Variants in MIPOL1 observed in about 807,000 individuals in gnomAD.
The protein encoded by MIPOL1 is mirror-image polydactyly 1.
In MIPOL1, 57 loss-of-function variants were observed where a neutral mutation model predicts 60.9. The observed-to-expected ratio is 0.94, with a 90% CI of 0.76 to 1.17. The LOEUF (loss-of-function observed/expected upper bound fraction) is 1.17. Among genes scored for constraint, MIPOL1 ranks in the 50% most tolerant of loss-of-function variants. MIPOL1 has a pLI of 0.00. For synonymous variants in MIPOL1, 179 were observed against 168.8 expected (o/e 1.06, Z -0.47); for missense variants, 551 against 511.6 (o/e 1.08, Z -0.74).
chr14:37,299,724 A>C (rs2086199014), intron 7 of MIPOL1, among the ~76,000 whole-genome samples: 1 of 152,112 alleles, frequency 6.6e-6, no homozygotes. Flanking sequence ...TTACCATGAT[A>C]CTTTTGTCAC....
At chr14:37,358,066 A>G (rs532359849) in intron 9 of MIPOL1, among the ~76,000 whole-genome samples, 1 of 151,100 alleles carries the variant, frequency 6.6e-6, no homozygotes, top group South Asian at 2.1e-4. Context: ...TTCAATTCCC[A>G]TCTGTGAGTG....
chr14:37,318,827 A>G (rs1430818005), intron 9 of MIPOL1, among the ~76,000 whole-genome samples: 27 of 149,580 alleles, frequency 1.8e-4, no homozygotes, highest in Non-Finnish European at 2.2e-4. Flanking sequence ...TTATTTATTT[A>G]GTTAGTTAGT....
At chr14:37,296,423 A>C (rs2085688052) in intron 7 of MIPOL1, among the ~76,000 whole-genome samples, 2 of 152,232 alleles carry the variant, frequency 1.3e-5, no homozygotes. Flanking sequence ...ACACATTCAA[A>C]AGCTAGCATA....
chr14:37,434,529 T>C (rs2094131750), intron 11 of MIPOL1: 1 of 152,062 alleles, frequency 6.6e-6, no homozygotes, highest in Admixed American at 6.6e-5. Flanking sequence ...ATGCTAATCT[T>C]CTCTGTATGG....
At chr14:37,336,946 G>T (rs2090171190) in intron 9 of MIPOL1, among the ~76,000 whole-genome samples, 1 of 151,802 alleles carries the variant, frequency 6.6e-6, no homozygotes, top group Non-Finnish European at 1.5e-5. Flanking sequence ...ATTTTTAGTA[G>T]AGATGGGGTT....
At chr14:37,372,908 T>A (rs11356072) in intron 10 of MIPOL1, among the ~76,000 whole-genome samples, 1,159 of 115,842 alleles carry the variant, frequency 0.01, 17 homozygotes, top group African/African-American at 0.034. Flanking sequence ...TACTTTTTTT[T>A]AAAAAACAGC....
chr14:37,282,987 A>G (rs1449748346), intron 6 of MIPOL1, among the ~76,000 whole-genome samples: 1 of 152,158 alleles, frequency 6.6e-6, no homozygotes, highest in Non-Finnish European at 1.5e-5. Flanking sequence ...GAAACCATGG[A>G]AAAAGGAACT....
intron 1 of MIPOL1, among the ~76,000 whole-genome samples, chr14:37,228,624 T>C (rs1044089319): frequency 6.6e-6 from 1 of 152,200 alleles, no homozygotes; most frequent in Admixed American, 6.6e-5. Context: ...TGTAGTTCTT[T>C]CTTTAGGAAG....
intron 11 of MIPOL1, among the ~76,000 whole-genome samples, chr14:37,457,868 G>A (rs2094494649): frequency 6.6e-6 from 1 of 152,094 alleles, no homozygotes; most frequent in Admixed American, 6.6e-5. Flanking sequence ...TTACCTGGCT[G>A]AAGCATTTGC....
intron 3 of MIPOL1, 47 bp from the exon 4 acceptor site, chr14:37,266,891 G>T: frequency 8.0e-7 from 1 of 1,244,874 alleles, no homozygotes; most frequent in Non-Finnish European, 1.2e-6. Context: ...TTAATATGCA[G>T]TTATGGTGTT....
intron 10 of MIPOL1, among the ~76,000 whole-genome samples, chr14:37,381,936 A>G (rs1029753854): frequency 6.6e-6 from 1 of 151,950 alleles, no homozygotes; most frequent in Non-Finnish European, 1.5e-5. Flanking sequence ...CCTAGTGTAG[A>G]CTTTGTGTTT....
chr14:37,414,624 G>A (rs570293959), intron 10 of MIPOL1, among the ~76,000 whole-genome samples: 2 of 152,032 alleles, frequency 1.3e-5, no homozygotes, highest in South Asian at 4.2e-4. Context: ...ACCTTTTACT[G>A]CTTCAAGGTT....
intron 10 of MIPOL1, among the ~76,000 whole-genome samples, chr14:37,380,406 G>T (rs2092894941): frequency 6.6e-6 from 1 of 152,078 alleles, no homozygotes; most frequent in Non-Finnish European, 1.5e-5. Flanking sequence ...TTCATTGTGT[G>T]CTGTCTAAAA....
chr14:37,376,746 T>C (rs936336965), intron 10 of MIPOL1, among the ~76,000 whole-genome samples: 6 of 152,168 alleles, frequency 3.9e-5, no homozygotes, highest in African/African-American at 1.2e-4. Context: ...TAAACACCCA[T>C]GTGCATTTTG....
intron 3 of MIPOL1, 50 bp from the exon 4 acceptor site, chr14:37,266,888 G>A (rs1394783831): frequency 8.5e-7 from 1 of 1,174,616 alleles, no homozygotes; most frequent in Non-Finnish European, 1.3e-6. Flanking sequence ...GATTTAATAT[G>A]CAGTTATGGT....
chr14:37,219,738 G>T (rs1213565572), intron 1 of MIPOL1: 1 of 152,192 alleles, frequency 6.6e-6, no homozygotes, highest in African/African-American at 2.4e-5. Context: ...CATGTATTCT[G>T]ATGACTGAGA....
intron 11 of MIPOL1, among the ~76,000 whole-genome samples, chr14:37,444,497 T>C (rs2094301342): frequency 6.6e-6 from 1 of 152,206 alleles, no homozygotes; most frequent in South Asian, 2.1e-4. Context: ...GAATTACATT[T>C]GTCTTTACTG....
intron 9 of MIPOL1, among the ~76,000 whole-genome samples, chr14:37,347,340 A>G (rs2091013964): frequency 6.6e-6 from 1 of 152,168 alleles, no homozygotes; most frequent in Non-Finnish European, 1.5e-5. Flanking sequence ...AGAAATGAAA[A>G]CTATAATCAC....
chr14:37,524,305 T>G (rs1187182223), intron 12 of MIPOL1, among the ~76,000 whole-genome samples: 2 of 151,950 alleles, frequency 1.3e-5, no homozygotes, highest in Non-Finnish European at 2.9e-5. Context: ...TGGGGGAGAT[T>G]GAGAGAAATA....
Sources: gnomAD v4.1 joint callset for allele counts (sites outside exome capture counted in the v4.1 genomes callset) on GRCh38, gnomAD v4.1.1 for gene constraint, MANE v1.5 for transcripts, NCBI Gene and HGNC (gene_info 2026-07-23, HGNC 2026-07-21) for gene names.